The following RSPH14 variants were observed in gnomAD, a reference collection of about 807,000 sequenced individuals.
RSPH14 encodes the protein radial spoke head 14 homolog.
A neutral mutation model predicts 26.7 loss-of-function variants in RSPH14; 20 were observed. That is an observed-to-expected ratio of 0.75 (90% CI 0.53 to 1.09). The LOEUF is 1.09. RSPH14 is among the 50% of genes least tolerant of loss of function. The probability of loss-of-function intolerance (pLI) is 0.00; values close to 1 mark genes in which losing one functional copy is unlikely to be tolerated. For synonymous variants in RSPH14, 177 were observed against 189.3 expected (o/e 0.93, Z 0.53); for missense variants, 449 against 457.2 (o/e 0.98, Z 0.16).
intron 4 of RSPH14, among the ~76,000 whole-genome samples, chr22:23,118,784 G>C (rs1219199190): frequency 2.6e-5 from 4 of 152,244 alleles, no homozygotes; most frequent in Non-Finnish European, 4.4e-5. Context: ...GCTGCATCCA[G>C]CTCTACCCCA....
the RSPH14 span, among the ~76,000 whole-genome samples, chr22:23,152,012 G>A: frequency 2.6e-5 from 4 of 152,244 alleles, no homozygotes; most frequent in African/African-American, 9.6e-5. Flanking sequence ...AGCCCCGGGG[G>A]TGCATAGGAG....
chr22:23,162,827 G>A, the RSPH14 span: 1 of 437,932 alleles, frequency 2.3e-6, no homozygotes, highest in South Asian at 1.6e-5. Context: ...CTCAGCGATT[G>A]CCAAATACCA....
upstream of RSPH14, chr22:23,145,822 C>G (rs928714747): frequency 2.9e-6 from 1 of 346,772 alleles, no homozygotes; most frequent in Admixed American, 6.5e-5. Context: ...GGAGTCCGGA[C>G]AGAAAAAGGA....
At chr22:23,068,470 G>T (rs1453408400) in intron 4 of RSPH14, among the ~76,000 whole-genome samples, 1 of 152,254 alleles carries the variant, frequency 6.6e-6, no homozygotes, top group Non-Finnish European at 1.5e-5. Flanking sequence ...TGGTGGAGGA[G>T]GCTATCTGTA....
chr22:23,114,069 CTG>C (rs1411620877), intron 4 of RSPH14, among the ~76,000 whole-genome samples: 1 of 152,194 alleles, frequency 6.6e-6, no homozygotes, highest in Non-Finnish European at 1.5e-5. Context: ...AAGCTCATCT[CTG>C]TATGAAACCT....
intron 5 of RSPH14, among the ~76,000 whole-genome samples, chr22:23,063,340 G>A (rs968997011): frequency 2.6e-5 from 4 of 152,200 alleles, no homozygotes; most frequent in African/African-American, 9.7e-5. Flanking sequence ...GAGACTCTGG[G>A]GTTCGGTGAC....
At chr22:23,145,089 G>A (rs1399128698), upstream of RSPH14, 7 of 524,022 alleles carry the variant, frequency 1.3e-5, no homozygotes. Flanking sequence ...CAGCTGCAGG[G>A]TGCTTGACTC....
At chr22:23,079,011 C>T (rs533480326) in intron 4 of RSPH14, among the ~76,000 whole-genome samples, 3 of 152,274 alleles carry the variant, frequency 2.0e-5, no homozygotes, top group South Asian at 2.1e-4. Flanking sequence ...CCACGTTGAC[C>T]GATTCCTCAC....
intron 4 of RSPH14, among the ~76,000 whole-genome samples, chr22:23,078,179 T>C (rs1366377183): frequency 6.6e-6 from 1 of 152,248 alleles, no homozygotes; most frequent in African/African-American, 2.4e-5. Flanking sequence ...CAGTTACCTC[T>C]GATATGCTGT....
chr22:23,077,430 G>A (rs1001400405), intron 4 of RSPH14, among the ~76,000 whole-genome samples: 16 of 152,202 alleles, frequency 1.1e-4, no homozygotes, highest in African/African-American at 3.6e-4. Flanking sequence ...GAGTGGTAGA[G>A]ACTCAACCAC....
At chr22:23,067,187 G>A (rs1395109159) in intron 4 of RSPH14, among the ~76,000 whole-genome samples, 3 of 152,152 alleles carry the variant, frequency 2.0e-5, no homozygotes, top group Non-Finnish European at 4.4e-5. Flanking sequence ...TCCATGGTGT[G>A]GAGCCCCAGT....
At position 23,062,077 on chromosome 22, in the gene RSPH14, C is replaced by G. The variant is rs574524419; in HGVS notation, c.654-132G>C. On this transcript the variant is annotated intron_variant, in intron 5 of 6. Transcript: ENST00000216036. ...CCCCAGGTAGTCCCAGGACTGGTCC[C>G]CATGATCCAGGACTGGTCATGGCAG... 11 of 1,123,098 alleles carry G rather than the reference C, an allele frequency of 9.8e-6. No homozygotes were observed. In the Admixed American group the frequency reaches 2.3e-4, roughly 24 times the overall value. 69.6% of individuals were successfully genotyped at this position (1,123,098 alleles called of 1,614,324 possible).
chr22:23,083,168 G>C (rs977131624), intron 4 of RSPH14, among the ~76,000 whole-genome samples: 3 of 152,162 alleles, frequency 2.0e-5, no homozygotes, highest in Non-Finnish European at 4.4e-5. Flanking sequence ...AGCTCGGAGA[G>C]GGGCAGGTGT....
intron 4 of RSPH14, among the ~76,000 whole-genome samples, chr22:23,105,757 C>T (rs947543657): frequency 5.8e-4 from 88 of 152,370 alleles, no homozygotes; most frequent in African/African-American, 2.1e-3. Flanking sequence ...CCTTCAGCGA[C>T]TGACACTGGC....
the RSPH14 span, among the ~76,000 whole-genome samples, chr22:23,170,616 C>G: frequency 3.3e-5 from 5 of 152,022 alleles, no homozygotes; most frequent in East Asian, 9.7e-4. Flanking sequence ...ACCTGTAGTC[C>G]CAGCTACTCG....
chr22:23,147,106 G>A (rs1398127772), upstream of RSPH14, among the ~76,000 whole-genome samples: 1 of 152,156 alleles, frequency 6.6e-6, no homozygotes, highest in East Asian at 1.9e-4. Context: ...CATCGTTGTT[G>A]TTATCAAAAC....
At position 23,109,754 on chromosome 22, in the gene RSPH14, A is replaced by G. The variant is rs964016336; in HGVS notation, c.421+24272T>C. 2.6e-5 allele frequency among the ~76,000 whole-genome samples: 4 copies of G among 152,222 alleles called. No individual in the cohort carries two copies. In the East Asian group the frequency reaches 5.8e-4, roughly 22 times the overall value. ...GTTAAAGGCCAGGCTAGAGGAATGG[A>G]AACAGCTGCCCCAGCCCTGGAAGCT... is the stretch of plus-strand genomic sequence containing the variant. On this transcript the variant is annotated intron_variant, in intron 4 of 6. Transcript: ENST00000216036.
At chr22:23,060,640 C>G (rs887732465) in intron 6 of RSPH14, among the ~76,000 whole-genome samples, 6 of 152,166 alleles carry the variant, frequency 3.9e-5, no homozygotes, top group Admixed American at 1.3e-4. Context: ...AGTGGACTCT[C>G]CCCTTTGCTG....
intron 4 of RSPH14, among the ~76,000 whole-genome samples, chr22:23,111,776 T>C (rs892144660): frequency 1.3e-5 from 2 of 152,110 alleles, no homozygotes; most frequent in Non-Finnish European, 2.9e-5. Flanking sequence ...GCGGCCAGGC[T>C]CCACAGGGCA....
Sources: gnomAD v4.1 joint callset for allele counts (sites outside exome capture counted in the v4.1 genomes callset) on GRCh38, gnomAD v4.1.1 for gene constraint, MANE v1.5 for transcripts, NCBI Gene and HGNC (gene_info 2026-07-23, HGNC 2026-07-21) for gene names.